MEIOSIN: variants seen among roughly 807,000 people sequenced by gnomAD.
The protein encoded by MEIOSIN is meiosis initiator.
Under a neutral mutation model 23.4 loss-of-function variants are expected in MEIOSIN, and 18 were observed. The ratio of observed to expected loss-of-function variants is 0.77; its 90% CI spans 0.53 to 1.14. The LOEUF (loss-of-function observed/expected upper bound fraction) is 1.14. Among genes scored for constraint, MEIOSIN ranks in the 50% most tolerant of loss-of-function variants. The pLI is 0.00. For missense variants in MEIOSIN, 428 were observed against 242.9 expected (o/e 1.76, Z -5.07); for synonymous variants, 187 against 100.6 (o/e 1.86, Z -5.14).
chr19:45,751,313 T>TAATAA (rs1228365499), intron 5 of MEIOSIN, among the ~76,000 whole-genome samples: 14 of 95,600 alleles, frequency 1.5e-4, no homozygotes, highest in South Asian at 7.5e-4. Context: ...AATAATAATA[T>TAATAA]ATACATAAAA....
At chr19:45,761,227 C>T (rs1042926004) in intron 11 of MEIOSIN, among the ~76,000 whole-genome samples, 3 of 151,354 alleles carry the variant, frequency 2.0e-5, no homozygotes, top group Non-Finnish European at 4.4e-5. Context: ...TGGATTTAAG[C>T]GATTCTTGTG....
Position 45,745,239 on chromosome 19 carries a change from G to T in MEIOSIN, c.224G>T (p.Arg75Met), listed in dbSNP as rs1306190633. Residue 75 changes from arginine to methionine, a missense_variant, in exon 4 of 15, where the codon AGG becomes ATG. Arg to Met is a moderately conservative substitution (Grantham distance 91). Coordinates refer to ENST00000457052, the MANE Select transcript of MEIOSIN (RefSeq NM_001310124.2). ...CTCCTGTCCCCAAACAAGAAGCAGA[G>T]GAAAAACCACACTAGCAAGCTGCAA... is the stretch of plus-strand genomic sequence containing the variant. ...NKLLSPNKKQ[R>M]KNHTSKLQEL... 4.3e-6 allele frequency: 3 copies of T among 702,840 alleles called. No individual in the cohort carries two copies. The highest frequency in any genetic ancestry group is 7.8e-6 in the Non-Finnish European group (3 of 385,020). 43.5% of individuals were successfully genotyped at this position (702,840 alleles called of 1,614,324 possible). A position where few individuals can be genotyped will look rare whatever the true frequency, so the allele number is the denominator to read the frequency against.
In MEIOSIN at chr19:45,756,569, C is replaced by T. The variant is rs528643894; in HGVS notation, c.911+491C>T. Among the ~76,000 whole-genome samples, 631 of 152,244 alleles carry T rather than the reference C, an allele frequency of 4.1e-3. 9 individuals carry two copies. Among genetic ancestry groups the T allele is most frequent in the African/African-American group, 0.014 (572 of 41,540 alleles). On this transcript the variant is annotated intron_variant, in intron 8 of 14. Coordinates refer to ENST00000457052, the MANE Select transcript of MEIOSIN (RefSeq NM_001310124.2). ...AGTAGCTGGGACCACAGGTGCACAC[C>T]ACCACACCCAGCTAATTTTTTTATG...
At chr19:45,746,332 G>C (rs990913554) in intron 4 of MEIOSIN, among the ~76,000 whole-genome samples, 1 of 152,120 alleles carries the variant, frequency 6.6e-6, no homozygotes, top group Non-Finnish European at 1.5e-5. Flanking sequence ...TAGAGAGTTT[G>C]TTTCCTTTCT....
At chr19:45,749,577 C>A (rs1437490838) in intron 4 of MEIOSIN, among the ~76,000 whole-genome samples, 1 of 134,702 alleles carries the variant, frequency 7.4e-6, no homozygotes, top group African/African-American at 2.8e-5. Flanking sequence ...CTCGCTGAGG[C>A]AGGAGAATGG....
intron 2 of MEIOSIN, among the ~76,000 whole-genome samples, chr19:45,736,540 T>C (rs1263624138): frequency 2.0e-5 from 3 of 151,730 alleles, no homozygotes; most frequent in African/African-American, 7.2e-5. Flanking sequence ...TTTTTTTGTG[T>C]GTATTTTTAG....
intron 2 of MEIOSIN, among the ~76,000 whole-genome samples, chr19:45,737,570 G>A (rs1286929203): frequency 6.6e-6 from 1 of 151,444 alleles, no homozygotes; most frequent in African/African-American, 2.4e-5. Flanking sequence ...GACTGAAGCA[G>A]TCCTCCCACA....
Position 45,758,869 on chromosome 19 carries a change from C to A in MEIOSIN, c.1013-9C>A. The A allele has an allele frequency of 1.4e-6, 1 of 703,006 alleles. No homozygotes were observed. The highest frequency in any genetic ancestry group is 2.6e-6 in the Non-Finnish European group (1 of 384,946). The allele number at this position is 703,006 out of a possible 1,614,324, so 43.5% of individuals were successfully genotyped here. A position where few individuals can be genotyped will look rare whatever the true frequency, so the allele number is the denominator to read the frequency against. On this transcript the variant is annotated splice_polypyrimidine_tract_variant and intron_variant, in intron 9 of 14. Transcript: ENST00000457052. ...GGCCACACCCCTGAGTCTGCTGTTCCCTTTCCAGGGAGCCCACTGTTCCTG... is the reference window on the plus strand; with the variant it reads ...GGCCACACCCCTGAGTCTGCTGTTCACTTTCCAGGGAGCCCACTGTTCCTG...
rs750100531 is a variant in MEIOSIN at position 45,761,765 on chromosome 19, G to A, written c.1332G>A (p.Ser444=). The change falls in exon 12 of 15, where the codon TCG becomes TCA. Residue 444 remains serine, a synonymous_variant. Transcript: ENST00000457052. Reference sequence around the variant, plus strand: ...TCTCGCTGGACCACTGCTACCTCTCGCTGAGCGGGAACAGCAAGGCGCCAT... The same window carrying A: ...TCTCGCTGGACCACTGCTACCTCTCACTGAGCGGGAACAGCAAGGCGCCAT... ...SSVSLDHCYL[S]LSGNSKAPSS... The A allele has an allele frequency of 2.9e-6, 2 of 701,578 alleles. No individual in the cohort carries two copies. Among genetic ancestry groups the A allele is most frequent in the Admixed American group, 2.0e-5 (1 of 49,762 alleles). The allele number at this position is 701,578 out of a possible 1,614,324, so 43.5% of individuals were successfully genotyped here. A position where few individuals can be genotyped will look rare whatever the true frequency, so the allele number is the denominator to read the frequency against.
intron 10 of MEIOSIN, 31 bp from the exon 11 acceptor site, chr19:45,759,383 C>G (rs1287485748): frequency 1.4e-6 from 1 of 702,750 alleles, no homozygotes; most frequent in Non-Finnish European, 2.6e-6. Context: ...AGCATTTCCA[C>G]TCTGGCTGCC....
At chr19:45,756,158 G>A (rs574517245) in intron 8 of MEIOSIN, 80 bp downstream of exon 8, 1 of 677,744 alleles carries the variant, frequency 1.5e-6, no homozygotes, top group East Asian at 2.7e-5. Flanking sequence ...GGGAAGACAG[G>A]CCAAGTCACG....
In MEIOSIN at chr19:45,758,838, A is replaced by T. The variant is rs1323915493; in HGVS notation, c.1013-40A>T. On this transcript the variant is annotated intron_variant, in intron 9 of 14. Transcript: ENST00000457052. The stretch of plus-strand genomic sequence containing the variant: ...AGCTGCTGTGCTAGGGCAGAGGGTG[A>T]TCTCTGGCCACACCCCTGAGTCTGC... The T allele has an allele frequency of 1.9e-5, 13 of 696,738 alleles. No homozygotes were observed. In the South Asian group the frequency reaches 1.9e-4, roughly 10 times the overall value. The allele number at this position is 696,738 out of a possible 1,614,324, so 43.2% of individuals were successfully genotyped here.
intron 7 of MEIOSIN, 90 bp from the exon 8 acceptor site, chr19:45,755,880 G>T (rs1339415626): frequency 2.2e-5 from 14 of 643,120 alleles, no homozygotes; most frequent in Middle Eastern, 4.0e-4. Context: ...AGGGTGTGTG[G>T]CAGAAGCTGG....
At position 45,758,862 on chromosome 19, in the gene MEIOSIN, G is replaced by A. The variant is rs908573068; in HGVS notation, c.1013-16G>A. 1.1e-5 allele frequency: 8 copies of A among 702,708 alleles called. No homozygotes were observed. In the African/African-American group the frequency reaches 1.4e-4, roughly 12 times the overall value. The allele number at this position is 702,708 out of a possible 1,614,324, so 43.5% of individuals were successfully genotyped here. On this transcript the variant is annotated splice_polypyrimidine_tract_variant and intron_variant, in intron 9 of 14. Transcript: ENST00000457052. ...GATCTCTGGCCACACCCCTGAGTCT[G>A]CTGTTCCCTTTCCAGGGAGCCCACT...
chr19:45,751,409 T>C (rs1600384230), intron 5 of MEIOSIN, among the ~76,000 whole-genome samples: 1 of 151,978 alleles, frequency 6.6e-6, no homozygotes, highest in Admixed American at 6.6e-5. Context: ...AGCCAGGTGC[T>C]GGAAACCATT....
intron 4 of MEIOSIN, among the ~76,000 whole-genome samples, chr19:45,749,589 A>G (rs1020314594): frequency 2.1e-5 from 3 of 146,024 alleles, no homozygotes; most frequent in East Asian, 2.1e-4. Context: ...GGAGAATGGC[A>G]TGAACCCGGG....
chr19:45,760,982 G>C (rs1968928891), intron 11 of MEIOSIN, among the ~76,000 whole-genome samples: 1 of 150,996 alleles, frequency 6.6e-6, no homozygotes, highest in African/African-American at 2.4e-5. Context: ...AAGAAAGAAA[G>C]ACAGGGTCTT....
rs35838022 is a variant in MEIOSIN at position 45,761,423 on chromosome 19, ATTTTTTTTTTTT to A, written c.1246-239_1246-228del. ...AGGCATGAGCCACTGCGCCTGGCCT[ATTTTTTTTTTTT>A]TTTTTTTTTTTTTTTTGTAGAACAA... is the stretch of plus-strand genomic sequence containing the variant. On this transcript the variant is annotated intron_variant, in intron 11 of 14. Coordinates refer to ENST00000457052, the MANE Select transcript of MEIOSIN (RefSeq NM_001310124.2). 2.7e-4 allele frequency among the ~76,000 whole-genome samples: 16 copies of A among 59,828 alleles called. No homozygotes were observed. In the East Asian group the frequency reaches 3.9e-3, roughly 14 times the overall value. 39.2% of individuals were successfully genotyped at this position (59,828 alleles called of 152,430 possible). A position where few individuals can be genotyped will look rare whatever the true frequency, so the allele number is the denominator to read the frequency against.
intron 11 of MEIOSIN, among the ~76,000 whole-genome samples, chr19:45,760,923 T>C (rs1968924961): frequency 8.7e-6 from 1 of 115,572 alleles, no homozygotes; most frequent in South Asian, 3.0e-4. Flanking sequence ...AGACTCCGTC[T>C]CAAAAAAAAA....
Sources: gnomAD v4.1 joint callset for allele counts (sites outside exome capture counted in the v4.1 genomes callset) on GRCh38, gnomAD v4.1.1 for gene constraint, MANE v1.5 for transcripts, NCBI Gene and HGNC (gene_info 2026-07-23, HGNC 2026-07-21) for gene names.